CYTH4: variants seen among roughly 807,000 people sequenced by gnomAD.
CYTH4 encodes the protein cytohesin-4.
CYTH4 carries 22 observed loss-of-function variants against 57.5 expected under a neutral mutation model. The observed-to-expected ratio is 0.38, with a 90% confidence interval of 0.27 to 0.55. CYTH4 has a LOEUF of 0.55. CYTH4 is among the 20% of genes least tolerant of loss of function. CYTH4 has a pLI of 0.74. For synonymous variants in CYTH4, 186 were observed against 206.5 expected (o/e 0.90, Z 0.85); for missense variants, 420 against 535.6 (o/e 0.78, Z 2.13).
In CYTH4 at chr22:37,313,616, ATC is replaced by A; in HGVS notation, c.*106_*107del. ...CAGTGCACTCTTTTGGGCCACAGACATCATTGCTGTTCCCCGTTACCTCGAGC... is the reference window on the plus strand; with the variant it reads ...CAGTGCACTCTTTTGGGCCACAGACAATTGCTGTTCCCCGTTACCTCGAGC... On this transcript the variant is annotated 3_prime_UTR_variant, in exon 13 of 13. Coordinates refer to ENST00000248901, the MANE Select transcript of CYTH4 (RefSeq NM_013385.5). 7.6e-6 allele frequency: 8 copies of A among 1,045,862 alleles called. No individual in the cohort carries two copies. Among genetic ancestry groups the A allele is most frequent in the Non-Finnish European group, 1.2e-5 (8 of 681,704 alleles). 64.8% of individuals were successfully genotyped at this position (1,045,862 alleles called of 1,614,324 possible).
chr22:37,313,609 C>A lies in CYTH4; in HGVS notation c.*98C>A. On this transcript the variant is annotated 3_prime_UTR_variant, in exon 13 of 13. Transcript: ENST00000248901. ...CCCACCCCAGTGCACTCTTTTGGGC[C>A]ACAGACATCATTGCTGTTCCCCGTT... 2 of 1,101,658 alleles carry A rather than the reference C, an allele frequency of 1.8e-6. No homozygotes were observed. Among genetic ancestry groups the A allele is most frequent in the East Asian group, 2.4e-5 (1 of 41,698 alleles). The allele number at this position is 1,101,658 out of a possible 1,614,324, so 68.2% of individuals were successfully genotyped here.
chr22:37,309,306 G>T lies in CYTH4; in HGVS notation c.791G>T (p.Gly264Val). 1 of 1,614,104 alleles carries T rather than the reference G, an allele frequency of 6.2e-7. No individual in the cohort carries two copies. The highest frequency in any genetic ancestry group is 1.3e-5 in the African/African-American group (1 of 75,052). The stretch of plus-strand genomic sequence containing the variant: ...ACCTTCTTCAATCCAGACCGGGAGG[G>T]TTGGCTGCTCAAGCTAGGTGAGAGA... ...THTFFNPDRE[G>V]WLLKLGGRVK... Residue 264 changes from glycine (G) to valine (V), a missense_variant, in exon 9 of 13, where the codon GGT (glycine) becomes GTT (valine). Physicochemically the swap from Gly to Val is moderately radical, Grantham distance 109. Transcript: ENST00000248901.
At chr22:37,286,446 G>C (rs1174670859) in intron 1 of CYTH4, among the ~76,000 whole-genome samples, 4 of 152,308 alleles carry the variant, frequency 2.6e-5, no homozygotes, top group South Asian at 2.1e-4. Context: ...GGATCACACA[G>C]GGCCTGGCGC....
At chr22:37,297,802 A>G (rs1429932194) in intron 5 of CYTH4, 120 bp downstream of exon 5, 2 of 813,542 alleles carry the variant, frequency 2.5e-6, no homozygotes, top group East Asian at 2.6e-5. Context: ...CTAGTGCTTG[A>G]GGGGCTCACG....
Position 37,309,316 on chromosome 22 carries a change from C to T in CYTH4, c.801C>T (p.Leu267=), listed in dbSNP as rs1377296547. ...FFNPDREGWL[L]KLGGRVKTWK... ...ATCCAGACCGGGAGGGTTGGCTGCTCAAGCTAGGTGAGAGACCGACAGACA... is the reference window on the plus strand; with the variant it reads ...ATCCAGACCGGGAGGGTTGGCTGCTTAAGCTAGGTGAGAGACCGACAGACA... Residue 267 remains leucine (L), a synonymous_variant, in exon 9 of 13, where the codon CTC becomes CTT. Coordinates refer to ENST00000248901, the MANE Select transcript of CYTH4 (RefSeq NM_013385.5). 1 of 1,613,912 alleles carries T rather than the reference C, an allele frequency of 6.2e-7. No individual in the cohort carries two copies. Among genetic ancestry groups the T allele is most frequent in the Non-Finnish European group, 8.5e-7 (1 of 1,179,922 alleles).
intron 2 of CYTH4, among the ~76,000 whole-genome samples, 188 bp from the exon 3 acceptor site, chr22:37,294,472 A>G (rs1420033675): frequency 6.6e-6 from 1 of 151,944 alleles, no homozygotes; most frequent in Non-Finnish European, 1.5e-5. Context: ...CTTAGAAATT[A>G]TGAGACATCC....
chr22:37,312,182 G>T lies in CYTH4; in HGVS notation c.1112+8G>T. On this transcript the variant is annotated splice_region_variant and intron_variant, in intron 12 of 12. Coordinates refer to ENST00000248901, the MANE Select transcript of CYTH4 (RefSeq NM_013385.5). Reference sequence around the variant, plus strand: ...GTGGATCGAGTCCATCCGGTAAGGGGTGCCCAGGTCTGGGGACGGCTTCCC... The same window carrying T: ...GTGGATCGAGTCCATCCGGTAAGGGTTGCCCAGGTCTGGGGACGGCTTCCC... 2 of 1,612,642 alleles carry T rather than the reference G, an allele frequency of 1.2e-6. No individual in the cohort carries two copies. The highest frequency in any genetic ancestry group is 1.7e-6 in the Non-Finnish European group (2 of 1,178,726).
chr22:37,311,996 C>T lies in CYTH4; in HGVS notation c.958-24C>T, dbSNP rs752970658. 36 of 1,606,534 alleles carry T rather than the reference C, an allele frequency of 2.2e-5. No individual in the cohort carries two copies. The highest frequency in any genetic ancestry group is 1.0e-4 in the Admixed American group (6 of 59,852). On this transcript the variant is annotated intron_variant, in intron 11 of 12. Coordinates refer to ENST00000248901, the MANE Select transcript of CYTH4 (RefSeq NM_013385.5). This position sits in a 1 kb window ranked among gnomAD's most constrained non-coding sequence, Gnocchi z 4.4. Reference sequence around the variant, plus strand: ...CCACCCAGCCTCCCTCTCTTCCCACCCTTGCCTGGCCACCTCCCCACAGTT... The same window carrying T: ...CCACCCAGCCTCCCTCTCTTCCCACTCTTGCCTGGCCACCTCCCCACAGTT...
intron 4 of CYTH4, among the ~76,000 whole-genome samples, chr22:37,296,988 T>C (rs943528651): frequency 2.6e-5 from 4 of 152,162 alleles, no homozygotes; most frequent in African/African-American, 4.8e-5. Context: ...TGTGATATTG[T>C]CAAATCCGAA....
chr22:37,295,948 G>A lies in CYTH4; in HGVS notation c.168-51G>A, dbSNP rs375286906. 1 of 1,574,752 alleles carries A rather than the reference G, an allele frequency of 6.4e-7. No individual in the cohort carries two copies. Among genetic ancestry groups the A allele is most frequent in the Non-Finnish European group, 8.7e-7 (1 of 1,154,434 alleles). ...GGCAAGGGTCCTTGGGGAGTGGAGAGGGTAATTCAGGGTCCTGGGGCAGCC... is the reference window on the plus strand; with the variant it reads ...GGCAAGGGTCCTTGGGGAGTGGAGAAGGTAATTCAGGGTCCTGGGGCAGCC... On this transcript the variant is annotated intron_variant, in intron 3 of 12. Transcript: ENST00000248901. This position sits in a 1 kb window ranked among gnomAD's most constrained non-coding sequence, Gnocchi z 4.1.
chr22:37,294,473 T>C (rs1049900787), intron 2 of CYTH4, among the ~76,000 whole-genome samples, 187 bp from the exon 3 acceptor site: 25 of 151,918 alleles, frequency 1.6e-4, no homozygotes, highest in Non-Finnish European at 5.9e-5. Flanking sequence ...TTAGAAATTA[T>C]GAGACATCCA....
chr22:37,310,019 C>T (rs1448795593), intron 9 of CYTH4: 1 of 469,032 alleles, frequency 2.1e-6, no homozygotes, highest in Non-Finnish European at 4.4e-6. Flanking sequence ...CCGGGGACAG[C>T]GCCTCCAGGG....
intron 1 of CYTH4, among the ~76,000 whole-genome samples, chr22:37,286,168 G>A (rs371459872): frequency 5.3e-5 from 8 of 152,126 alleles, no homozygotes; most frequent in East Asian, 1.9e-4. Context: ...GTGTAACCCC[G>A]TCAGAAACCC....
intron 9 of CYTH4, among the ~76,000 whole-genome samples, chr22:37,309,747 C>A (rs1569112387): frequency 6.6e-6 from 1 of 152,234 alleles, no homozygotes; most frequent in Non-Finnish European, 1.5e-5. Flanking sequence ...TGAGGCCACA[C>A]AGCCAGCCAG....
chr22:37,304,271 G>A (rs867766915), intron 8 of CYTH4: 18 of 456,574 alleles, frequency 3.9e-5, no homozygotes, highest in African/African-American at 3.4e-4. Flanking sequence ...AAGGAGAGGT[G>A]TCCAGTGTGG....
intron 1 of CYTH4, among the ~76,000 whole-genome samples, chr22:37,283,637 G>C (rs893966710): frequency 6.6e-6 from 1 of 151,292 alleles, no homozygotes; most frequent in African/African-American, 2.4e-5. Flanking sequence ...AGCCCCCCCA[G>C]TGGCAGAAGG....
intron 7 of CYTH4, 29 bp downstream of exon 7, chr22:37,301,048 T>C (rs1929160793): frequency 6.3e-7 from 1 of 1,583,514 alleles, no homozygotes. Context: ...GACCCAGGGC[T>C]CCGGGACCCC....
Position 37,288,914 on chromosome 22 carries a change from G to T in CYTH4, c.20-3707G>T, listed in dbSNP as rs185072504. On this transcript the variant is annotated intron_variant, in intron 1 of 12. Transcript: ENST00000248901. ...CACTTCAGACCACCTTTGCTGTAGAGAGCATCCCTTGGTCTTCTGTGATGT... is the reference window on the plus strand; with the variant it reads ...CACTTCAGACCACCTTTGCTGTAGATAGCATCCCTTGGTCTTCTGTGATGT... 4.6e-5 allele frequency among the ~76,000 whole-genome samples: 7 copies of T among 152,340 alleles called. No individual in the cohort carries two copies. The East Asian group carries it at 1.4e-3, about 29-fold the overall frequency.
chr22:37,303,069 G>GT (rs1342221204), intron 7 of CYTH4, among the ~76,000 whole-genome samples, 185 bp from the exon 8 acceptor site: 1 of 152,158 alleles, frequency 6.6e-6, no homozygotes, highest in Non-Finnish European at 1.5e-5. Context: ...GCTGAGGTTA[G>GT]TTTAAGAGGG....
Sources: allele counts gnomAD v4.1 joint callset (sites outside exome capture counted in the v4.1 genomes callset), GRCh38; gene constraint gnomAD v4.1.1; non-coding constraint Gnocchi (gnomAD v3.1); transcripts MANE v1.5; gene names NCBI Gene and HGNC (gene_info 2026-07-23, HGNC 2026-07-21).